The following FGF14 variants were observed in gnomAD, a reference collection of about 807,000 sequenced individuals.
FGF14 encodes the protein fibroblast growth factor 14.
A neutral mutation model predicts 25.5 loss-of-function variants in FGF14; 5 were observed. That is an observed-to-expected ratio of 0.20 (90% CI 0.10 to 0.41). FGF14 has a LOEUF of 0.41. Among genes scored for constraint, FGF14 ranks in the 10% least tolerant of loss-of-function variants. The pLI is 1.00. For synonymous variants in FGF14, 138 were observed against 118.3 expected, an observed-to-expected ratio of 1.17 and a Z score of -1.08; for missense variants, 222 against 320.1, an observed-to-expected ratio of 0.69 and a Z score of 2.34.
At chr13:102,295,938 T>C (rs2054685046) in intron 1 of FGF14, among the ~76,000 whole-genome samples, 1 of 152,098 alleles carries the variant, frequency 6.6e-6, no homozygotes, top group Admixed American at 6.6e-5. Flanking sequence ...AAAATGGAGT[T>C]GAAAAATAAA....
chr13:101,715,301 C>A lies in FGF14; in HGVS notation c.*7530G>T. ...CTTTAAGGGAAAACAAAATTGTCAC[C>A]TAAAAGCCTAGCTGGAGTGATACAG... On this transcript the variant is annotated 3_prime_UTR_variant, in exon 5 of 5. Coordinates refer to ENST00000376143, the MANE Select transcript of FGF14 (RefSeq NM_004115.4). 1 of 367,654 alleles carries A rather than the reference C, an allele frequency of 2.7e-6. No individual in the cohort carries two copies. 22.8% of individuals were successfully genotyped at this position (367,654 alleles called of 1,614,324 possible). A position where few individuals can be genotyped will look rare whatever the true frequency, so the allele number is the denominator to read the frequency against.
chr13:101,903,034 T>TGATC (rs2031768158), intron 1 of FGF14, among the ~76,000 whole-genome samples: 1 of 152,196 alleles, frequency 6.6e-6, no homozygotes, highest in Admixed American at 6.5e-5. Context: ...CTAGATCAGC[T>TGATC]TGCCAGTTTT....
At chr13:101,882,175 G>C (rs1408638032) in intron 1 of FGF14, among the ~76,000 whole-genome samples, 1 of 151,962 alleles carries the variant, frequency 6.6e-6, no homozygotes, top group Non-Finnish European at 1.5e-5. Flanking sequence ...TCGGAAACTA[G>C]AAATAGGATT....
intron 3 of FGF14, among the ~76,000 whole-genome samples, chr13:101,769,236 C>T (rs545535910): frequency 2.6e-5 from 4 of 152,124 alleles, no homozygotes; most frequent in South Asian, 2.1e-4. Context: ...CAGGGAAATG[C>T]ACATCAAAAC....
At chr13:102,241,764 T>C (rs1215912127) in intron 1 of FGF14, among the ~76,000 whole-genome samples, 2 of 152,080 alleles carry the variant, frequency 1.3e-5, no homozygotes, top group African/African-American at 4.8e-5. Context: ...ACAATGAAGA[T>C]AGACAAACCA....
rs2034528101 is a variant in FGF14, at chr13:101,712,700, A to G, written c.*10131T>C. ...GGAAACTTCTCTGATAGTCAATGAA[A>G]TACTCCATGTGGTCTTTGTTGGCAG... On this transcript the variant is annotated 3_prime_UTR_variant, in exon 5 of 5. Coordinates refer to ENST00000376143, the MANE Select transcript of FGF14 (RefSeq NM_004115.4). The G allele has an allele frequency of 6.6e-6, 1 of 152,204 alleles. No individual in the cohort carries two copies. The highest frequency in any genetic ancestry group is 1.5e-5 in the Non-Finnish European group (1 of 68,026). The allele number at this position is 152,204 out of a possible 1,614,324, so 9.4% of individuals were successfully genotyped here. A position where few individuals can be genotyped will look rare whatever the true frequency, so the allele number is the denominator to read the frequency against.
intron 1 of FGF14, among the ~76,000 whole-genome samples, chr13:102,221,812 C>T (rs1465309838): frequency 6.6e-6 from 1 of 152,096 alleles, no homozygotes; most frequent in Admixed American, 6.6e-5. Context: ...TGCTTAATTT[C>T]CTAACTAGAC....
chr13:102,373,814 T>C (rs768546858), intron 1 of FGF14: 1 of 152,156 alleles, frequency 6.6e-6, no homozygotes, highest in Non-Finnish European at 1.5e-5. Flanking sequence ...TTTGTAGAGA[T>C]CTTGTAGAAC....
chr13:101,906,316 T>C (rs2032238235), intron 1 of FGF14, among the ~76,000 whole-genome samples: 2 of 152,106 alleles, frequency 1.3e-5, no homozygotes, highest in Admixed American at 6.6e-5. Flanking sequence ...CATTTACTTA[T>C]GCAGAAAGAT....
At chr13:101,936,410 G>A (rs527790428) in intron 1 of FGF14, among the ~76,000 whole-genome samples, 2 of 152,144 alleles carry the variant, frequency 1.3e-5, no homozygotes, top group Non-Finnish European at 2.9e-5. Flanking sequence ...CCTAAACATT[G>A]CCGAGTAACA....
chr13:102,373,357 C>T (rs1017408033), intron 1 of FGF14: 1 of 152,126 alleles, frequency 6.6e-6, no homozygotes, highest in Non-Finnish European at 1.5e-5. Context: ...TAACTATAAA[C>T]ACTGTAAGGT....
intron 1 of FGF14, among the ~76,000 whole-genome samples, chr13:102,017,931 C>T (rs542947508): frequency 3.9e-5 from 6 of 152,208 alleles, no homozygotes; most frequent in African/African-American, 1.2e-4. Flanking sequence ...TAATTTCCAA[C>T]ACTCCTGGAT....
At chr13:102,080,692 C>G (rs2043578500) in intron 1 of FGF14, among the ~76,000 whole-genome samples, 1 of 152,218 alleles carries the variant, frequency 6.6e-6, no homozygotes, top group African/African-American at 2.4e-5. Context: ...TACACAGCCT[C>G]TCTTTCTCCC....
At chr13:101,967,981 A>G (rs915063402) in intron 1 of FGF14, among the ~76,000 whole-genome samples, 3 of 152,216 alleles carry the variant, frequency 2.0e-5, no homozygotes, top group African/African-American at 7.2e-5. Context: ...ACTGTAATGG[A>G]GATGAGTCAC....
intron 1 of FGF14, among the ~76,000 whole-genome samples, chr13:102,122,531 GT>G (rs2045773456): frequency 6.6e-6 from 1 of 152,172 alleles, no homozygotes; most frequent in Admixed American, 6.5e-5. Flanking sequence ...TCTTCATCTT[GT>G]TGTTAAAGCC....
intron 1 of FGF14, among the ~76,000 whole-genome samples, chr13:101,904,611 G>A (rs2032008567): frequency 6.6e-6 from 1 of 152,152 alleles, no homozygotes; most frequent in African/African-American, 2.4e-5. Flanking sequence ...TACTACCATA[G>A]GGCAAAAGCA....
chr13:101,933,863 T>C (rs1218567258), intron 1 of FGF14, among the ~76,000 whole-genome samples: 2 of 150,002 alleles, frequency 1.3e-5, no homozygotes, highest in African/African-American at 4.8e-5. Flanking sequence ...CATATGTATA[T>C]ATATTTGACA....
chr13:102,083,987 C>T (rs934328745), intron 1 of FGF14, among the ~76,000 whole-genome samples: 1 of 152,150 alleles, frequency 6.6e-6, no homozygotes, highest in Non-Finnish European at 1.5e-5. Context: ...CTCTCTTAAT[C>T]TCCGAGTTCA....
At chr13:102,354,625 T>C (rs192912842) in intron 1 of FGF14, among the ~76,000 whole-genome samples, 173 of 152,278 alleles carry the variant, frequency 1.1e-3, no homozygotes, top group Middle Eastern at 6.8e-3. Context: ...AGAATTTCCT[T>C]GTAGGCAAAT....
Sources: gnomAD v4.1 joint callset for allele counts (sites outside exome capture counted in the v4.1 genomes callset) on GRCh38, gnomAD v4.1.1 for gene constraint, MANE v1.5 for transcripts, NCBI Gene and HGNC (gene_info 2026-07-23, HGNC 2026-07-21) for gene names.